Variants in SORBS2 observed in about 807,000 individuals in gnomAD.
SORBS2 encodes the protein sorbin and SH3 domain containing 2.
A neutral mutation model predicts 97.7 loss-of-function variants in SORBS2; 46 were observed. The ratio of observed to expected loss-of-function variants is 0.47; its 90% CI spans 0.37 to 0.60. The LOEUF (loss-of-function observed/expected upper bound fraction) is 0.60, where lower values mean the gene tolerates loss of function less well. Ranked by LOEUF, SORBS2 falls within the 20% of genes least tolerant of loss-of-function variation. The pLI is 0.00. For synonymous variants in SORBS2, 476 were observed against 473.4 expected, an observed-to-expected ratio of 1.01 and a Z score of -0.07; for missense variants, 1,316 against 1,282.3, an observed-to-expected ratio of 1.03 and a Z score of -0.40.
At chr4:185,731,261 A>G (rs2098621608) in intron 2 of SORBS2, among the ~76,000 whole-genome samples, 1 of 152,200 alleles carries the variant, frequency 6.6e-6, no homozygotes. Flanking sequence ...GCTTCATGCA[A>G]ATGAGGAAGC....
exon 5 of SORBS2, chr4:185,630,577 T>C (rs146657924): frequency 3.7e-6 from 6 of 1,600,964 alleles, no homozygotes; most frequent in Non-Finnish European, 4.3e-6. Flanking sequence ...CTTCTGTCTA[T>C]AGAGGACTGA....
intron 1 of SORBS2, among the ~76,000 whole-genome samples, chr4:185,821,315 G>T (rs769354): frequency 6.6e-6 from 1 of 152,210 alleles, no homozygotes; most frequent in Non-Finnish European, 1.5e-5. Flanking sequence ...AAGCAGAGGC[G>T]AGGTGGACAG....
intron 1 of SORBS2, among the ~76,000 whole-genome samples, chr4:185,796,296 C>T (rs1473085808): frequency 6.6e-6 from 1 of 152,218 alleles, no homozygotes; most frequent in Non-Finnish European, 1.5e-5. Context: ...CCTATTTCAC[C>T]TTCCTGCTTG....
At chr4:185,657,555 C>T, upstream of SORBS2, 2 of 1,583,408 alleles carry the variant, frequency 1.3e-6, no homozygotes, top group South Asian at 1.2e-5. Context: ...CTGGTGGTGC[C>T]ATCCAGAGAC....
chr4:185,938,774 G>C (rs1451439307), intron 1 of SORBS2, among the ~76,000 whole-genome samples: 4 of 151,774 alleles, frequency 2.6e-5, no homozygotes, highest in Non-Finnish European at 5.9e-5. Flanking sequence ...GAACCCACCA[G>C]TGCAAATGTC....
chr4:185,786,947 TC>T, intron 1 of SORBS2, among the ~76,000 whole-genome samples: 1 of 96,120 alleles, frequency 1.0e-5, no homozygotes, highest in Non-Finnish European at 2.1e-5. Context: ...TGGATGTTCA[TC>T]CATTTTTTTT....
At chr4:185,686,371 T>C (rs2097959089) in intron 2 of SORBS2, among the ~76,000 whole-genome samples, 1 of 152,158 alleles carries the variant, frequency 6.6e-6, no homozygotes, top group African/African-American at 2.4e-5. Context: ...AAAGTATATG[T>C]TTAAAGTAAC....
chr4:185,894,744 C>A (rs148550798), intron 1 of SORBS2, among the ~76,000 whole-genome samples: 24 of 152,298 alleles, frequency 1.6e-4, no homozygotes, highest in African/African-American at 5.5e-4. Flanking sequence ...CCACCTCAGT[C>A]CCCACAAAAG....
chr4:185,735,620 G>C lies in SORBS2; in HGVS notation c.-198+39607C>G, dbSNP rs552199336. Reference sequence around the variant, plus strand: ...ATCTGATGATAATCTCATTGAAAATGCATCTGTTTTTATGTTAATTTTTGT... The same window carrying C: ...ATCTGATGATAATCTCATTGAAAATCCATCTGTTTTTATGTTAATTTTTGT... On this transcript the variant is annotated intron_variant, in intron 2 of 20. Coordinates refer to the SORBS2 transcript ENST00000284776. 2.2e-4 allele frequency among the ~76,000 whole-genome samples: 34 copies of C among 152,020 alleles called. 3 individuals carry two copies. The highest frequency in any genetic ancestry group is 8.2e-4 in the African/African-American group (34 of 41,466).
intron 2 of SORBS2, among the ~76,000 whole-genome samples, chr4:185,735,230 C>T (rs1287818240): frequency 6.6e-6 from 1 of 152,078 alleles, no homozygotes; most frequent in Non-Finnish European, 1.5e-5. Flanking sequence ...AGACAGTTGC[C>T]TAATCAGCCT....
intron 2 of SORBS2, among the ~76,000 whole-genome samples, chr4:185,769,442 C>A (rs1176996609): frequency 6.6e-6 from 1 of 152,208 alleles, no homozygotes; most frequent in Non-Finnish European, 1.5e-5. Context: ...TACCAATAAG[C>A]AATCATTTTC....
chr4:185,676,856 T>C lies in SORBS2; in HGVS notation c.-46+1567A>G, dbSNP rs182196538. 1.5e-3 allele frequency: 975 copies of C among 665,760 alleles called. 3 individuals carry two copies. The highest frequency in any genetic ancestry group is 3.0e-3 in the Admixed American group (103 of 34,030). The allele number at this position is 665,760 out of a possible 1,614,324, so 41.2% of individuals were successfully genotyped here. ...TGATGAATTTAGTAGGGTTTTAAAT[T>C]GGAAAATGGTTTCTTTCTCCTTTCC... On this transcript the variant is annotated intron_variant, in intron 4 of 20. Coordinates refer to the SORBS2 transcript ENST00000284776.
chr4:185,766,118 T>G (rs1393794440), intron 2 of SORBS2, among the ~76,000 whole-genome samples: 1 of 152,218 alleles, frequency 6.6e-6, no homozygotes, highest in Non-Finnish European at 1.5e-5. Flanking sequence ...AAAACCATTT[T>G]CTACTTCAGA....
intron 1 of SORBS2, among the ~76,000 whole-genome samples, chr4:185,863,322 A>T (rs1354400075): frequency 6.6e-6 from 1 of 152,216 alleles, no homozygotes; most frequent in African/African-American, 2.4e-5. Context: ...AATGATATGC[A>T]GTCCTATAAG....
chr4:185,917,786 C>T (rs1274665718), intron 1 of SORBS2, among the ~76,000 whole-genome samples: 1 of 152,072 alleles, frequency 6.6e-6, no homozygotes, highest in Middle Eastern at 3.2e-3. Flanking sequence ...CTGGGGGACA[C>T]CCTACTGGTG....
At chr4:185,701,772 TTTC>T (rs1487945441) in intron 2 of SORBS2, among the ~76,000 whole-genome samples, 4 of 47,084 alleles carry the variant, frequency 8.5e-5, no homozygotes, top group Admixed American at 3.3e-4. Flanking sequence ...AGCAAATTTC[TTTC>T]TTTTTTTTTT....
intron 1 of SORBS2, among the ~76,000 whole-genome samples, chr4:185,785,623 C>T (rs1458187451): frequency 6.6e-6 from 1 of 152,174 alleles, no homozygotes; most frequent in African/African-American, 2.4e-5. Flanking sequence ...GGCTTCAGTT[C>T]TCTTACCCAC....
chr4:185,637,132 T>C (rs1036811420), intron 4 of SORBS2, among the ~76,000 whole-genome samples: 2 of 152,272 alleles, frequency 1.3e-5, no homozygotes, highest in African/African-American at 4.8e-5. Context: ...GGTACAGTCA[T>C]GTGTTGCATA....
chr4:185,682,897 G>T (rs28609198), intron 2 of SORBS2, among the ~76,000 whole-genome samples: 15,074 of 151,386 alleles, frequency 0.1, 813 homozygotes, highest in Middle Eastern at 0.14. Context: ...ACCTGTAATC[G>T]CAGCTACTCA....
Sources: allele counts gnomAD v4.1 joint callset (sites outside exome capture counted in the v4.1 genomes callset), GRCh38; gene constraint gnomAD v4.1.1; transcripts MANE v1.5; gene names NCBI Gene and HGNC (gene_info 2026-07-23, HGNC 2026-07-21).